Variants in DACH2 observed in about 807,000 individuals in gnomAD.
The protein encoded by DACH2 is dachshund family transcription factor 2.
A neutral mutation model predicts 35.8 loss-of-function variants in DACH2; 17 were observed. The observed-to-expected ratio is 0.48, with a 90% CI of 0.33 to 0.71. The LOEUF is 0.71. DACH2 is among the 30% of genes least tolerant of loss of function. The pLI, the probability that DACH2 is intolerant of heterozygous loss-of-function variation, is 0.02. For missense variants in DACH2, 469 were observed against 472.7 expected (o/e 0.99, Z 0.07); for synonymous variants, 195 against 177.3 (o/e 1.10, Z -0.79).
chrX:86,535,873 A>C (rs2092227), intron 3 of DACH2, among the ~76,000 whole-genome samples: 1 of 111,238 alleles, frequency 9.0e-6, no homozygotes, highest in Non-Finnish European at 1.9e-5. Context: ...AGCGAGAAAC[A>C]GAGACAATTA....
intron 2 of DACH2, among the ~76,000 whole-genome samples, chrX:86,442,353 TTTTGTGTGTGTGTGTGTGTG>T (rs1299975109): frequency 1.3e-5 from 1 of 75,352 alleles, no homozygotes; most frequent in African/African-American, 5.1e-5. Flanking sequence ...TTAAGTAGTA[TTTTGTGTGTGTGTGTGTGTG>T]TGTGTGTGTG....
intron 3 of DACH2, among the ~76,000 whole-genome samples, chrX:86,610,600 C>A (rs1370996032): frequency 9.2e-6 from 1 of 108,329 alleles, no homozygotes; most frequent in East Asian, 2.9e-4. Context: ...CAAGTGCAGA[C>A]CAAGCTCAGT....
intron 3 of DACH2, among the ~76,000 whole-genome samples, chrX:86,626,565 T>C (rs1457133671): frequency 8.8e-6 from 1 of 113,020 alleles, no homozygotes; most frequent in Non-Finnish European, 1.9e-5. Flanking sequence ...TAGTAGTACA[T>C]GTTCTCCATG....
In DACH2 at chrX:86,170,797, G is replaced by A. The variant is rs912774157; in HGVS notation, c.488+21689G>A. On this transcript the variant is annotated intron_variant, in intron 1 of 11. Coordinates refer to ENST00000373125, the MANE Select transcript of DACH2 (RefSeq NM_053281.3). ...ATGCGCCTGTGACACAGCTTCAGGAGGTCCTGATGACATGTGCCCAAGGTG... is the reference window on the plus strand; with the variant it reads ...ATGCGCCTGTGACACAGCTTCAGGAAGTCCTGATGACATGTGCCCAAGGTG... Among the ~76,000 whole-genome samples the A allele has an allele frequency of 4.5e-5, 5 of 112,357 alleles. No homozygotes were observed. In the Admixed American group the frequency reaches 4.7e-4, roughly 11 times the overall value.
chrX:86,436,078 A>G (rs1287966971), intron 2 of DACH2, among the ~76,000 whole-genome samples: 1 of 110,207 alleles, frequency 9.1e-6, no homozygotes, highest in Admixed American at 9.7e-5. Flanking sequence ...GAGATCTATA[A>G]TTCATTAATT....
chrX:86,746,409 A>G (rs1021378612), intron 7 of DACH2, among the ~76,000 whole-genome samples: 1 of 111,257 alleles, frequency 9.0e-6, no homozygotes, highest in Non-Finnish European at 1.9e-5. Flanking sequence ...GCTCTCTCCA[A>G]CACTTACTAT....
intron 2 of DACH2, among the ~76,000 whole-genome samples, chrX:86,505,194 G>T (rs1317741637): frequency 2.7e-5 from 3 of 111,587 alleles, no homozygotes; most frequent in African/African-American, 9.8e-5. Context: ...CATTCAAAAT[G>T]ATTTCAGTGG....
intron 1 of DACH2, among the ~76,000 whole-genome samples, chrX:86,203,272 G>T (rs1352687290): frequency 9.0e-6 from 1 of 111,121 alleles, no homozygotes; most frequent in Non-Finnish European, 1.9e-5. Flanking sequence ...TTAATTAGAA[G>T]ATTGCATTTG....
At chrX:86,688,326 TGGA>T (rs1208024668) in intron 4 of DACH2, among the ~76,000 whole-genome samples, 2 of 111,561 alleles carry the variant, frequency 1.8e-5, no homozygotes, top group African/African-American at 6.5e-5. Context: ...AAGGGCCAAT[TGGA>T]GGAGATGAGG....
chrX:86,530,008 C>T (rs985386575), intron 3 of DACH2, among the ~76,000 whole-genome samples: 1 of 103,407 alleles, frequency 9.7e-6, no homozygotes, highest in African/African-American at 3.5e-5. Flanking sequence ...CACACACAAT[C>T]ACATTTTCTT....
At chrX:86,231,924 C>A (rs896299002) in intron 1 of DACH2, among the ~76,000 whole-genome samples, 5 of 111,682 alleles carry the variant, frequency 4.5e-5, no homozygotes, top group Non-Finnish European at 9.4e-5. Flanking sequence ...CTGCTGCCTT[C>A]TCCACCCCTG....
At chrX:86,210,978 T>C (rs2032431911) in intron 1 of DACH2, among the ~76,000 whole-genome samples, 1 of 111,511 alleles carries the variant, frequency 9.0e-6, no homozygotes, top group Non-Finnish European at 1.9e-5. Flanking sequence ...GATCTGTTAT[T>C]CTAGATGAGC....
chrX:86,520,851 C>A (rs1212541487), intron 3 of DACH2, among the ~76,000 whole-genome samples: 1 of 111,402 alleles, frequency 9.0e-6, no homozygotes, highest in African/African-American at 3.3e-5. Flanking sequence ...GCCTTTTTAT[C>A]CATCTTGCCA....
intron 2 of DACH2, among the ~76,000 whole-genome samples, chrX:86,494,208 A>G (rs2038134664): frequency 1.8e-5 from 2 of 112,438 alleles, no homozygotes; most frequent in South Asian, 3.7e-4. Flanking sequence ...TTTTATGTAC[A>G]TGGAACAAGC....
chrX:86,397,649 CAT>C (rs1157278318), intron 2 of DACH2, among the ~76,000 whole-genome samples: 1 of 111,819 alleles, frequency 8.9e-6, no homozygotes, highest in Non-Finnish European at 1.9e-5. Context: ...TTGAGGTAAT[CAT>C]GTGGTTTTTG....
At chrX:86,736,455 T>C (rs1261482545) in intron 6 of DACH2, among the ~76,000 whole-genome samples, 1 of 112,187 alleles carries the variant, frequency 8.9e-6, no homozygotes, top group African/African-American at 3.2e-5. Flanking sequence ...CATAAATTAT[T>C]GGAGTTTATA....
chrX:86,598,923 A>G (rs1326158883), intron 3 of DACH2, among the ~76,000 whole-genome samples: 2 of 109,622 alleles, frequency 1.8e-5, no homozygotes, highest in Non-Finnish European at 3.8e-5. Context: ...CATTTACACT[A>G]GGTATATCTC....
At chrX:86,790,953 G>A (rs1164806374) in intron 7 of DACH2, among the ~76,000 whole-genome samples, 4 of 111,629 alleles carry the variant, frequency 3.6e-5, no homozygotes, top group Non-Finnish European at 7.5e-5. Context: ...TATGTTACAT[G>A]TATTATATAC....
In DACH2 at chrX:86,296,770, C is replaced by T. The variant is rs191090063; in HGVS notation, c.489-80054C>T. Among the ~76,000 whole-genome samples, 331 of 110,770 alleles carry T rather than the reference C, an allele frequency of 3.0e-3. 3 individuals carry two copies. Among genetic ancestry groups the T allele is most frequent in the African/African-American group, 0.011 (320 of 30,437 alleles). ...TTACATATATACTGGAGACTTTACA[C>T]ATTTTACTAGGCTTATTCATTTTAT... On this transcript the variant is annotated intron_variant, in intron 1 of 11. Coordinates refer to ENST00000373125, the MANE Select transcript of DACH2 (RefSeq NM_053281.3).
Sources: gnomAD v4.1 joint callset for allele counts (sites outside exome capture counted in the v4.1 genomes callset) on GRCh38, gnomAD v4.1.1 for gene constraint, MANE v1.5 for transcripts, NCBI Gene and HGNC (gene_info 2026-07-23, HGNC 2026-07-21) for gene names.